The following CLCN3 variants were observed in gnomAD, a reference collection of about 807,000 sequenced individuals.
CLCN3 encodes H(+)/Cl(-) exchange transporter 3.
In CLCN3, 16 loss-of-function variants were observed where a neutral mutation model predicts 83.4. The ratio of observed to expected loss-of-function variants is 0.19; its 90% CI spans 0.13 to 0.29. The LOEUF (loss-of-function observed/expected upper bound fraction) is 0.29, where lower values mean the gene tolerates loss of function less well. Ranked by LOEUF, CLCN3 falls within the 10% of genes least tolerant of loss-of-function variation. The pLI is 1.00. For synonymous variants in CLCN3, 322 were observed against 346.2 expected (o/e 0.93, Z 0.78); for missense variants, 544 against 1,006.0 (o/e 0.54, Z 6.21).
intron 2 of CLCN3, among the ~76,000 whole-genome samples, chr4:169,647,298 G>C (rs541900221): frequency 2.0e-5 from 3 of 152,254 alleles, no homozygotes; most frequent in African/African-American, 7.2e-5. Context: ...GCTGAGATGG[G>C]AAGATCACTT....
In CLCN3 at chr4:169,707,190, A is replaced by G. The variant is rs777930860; in HGVS notation, c.2073A>G (p.Gly691=). 1.1e-5 allele frequency: 18 copies of G among 1,613,962 alleles called. No homozygotes were observed. Among genetic ancestry groups the G allele is most frequent in the Non-Finnish European group, 1.5e-5 (18 of 1,179,842 alleles). The change falls in exon 11 of 13, where the codon GGA becomes GGG. Residue 691 remains glycine (G), a synonymous_variant. Transcript: ENST00000513761. ...TGATTAATGAAACCAGCTACAATGG[A>G]TTTCCTGTCATAATGTCAAAAGAAT... The part of the protein sequence containing the change: ...ENMINETSYN[G]FPVIMSKESQ...
At chr4:169,660,484 T>C in intron 2 of CLCN3, 1 of 1,288,554 alleles carries the variant, frequency 7.8e-7, no homozygotes, top group Non-Finnish European at 9.8e-7. Flanking sequence ...TCTCTGTTGG[T>C]ATGTTTTGCA....
At chr4:169,656,812 C>T (rs1420922912) in intron 2 of CLCN3, among the ~76,000 whole-genome samples, 1 of 152,102 alleles carries the variant, frequency 6.6e-6, no homozygotes, top group Non-Finnish European at 1.5e-5. Flanking sequence ...TGGTGGCACA[C>T]ACGTGTGTAT....
At chr4:169,711,245 A>C (rs948532790) in intron 11 of CLCN3, among the ~76,000 whole-genome samples, 20 of 152,190 alleles carry the variant, frequency 1.3e-4, no homozygotes, top group Non-Finnish European at 1.8e-4. Context: ...ACACTCCACT[A>C]TTCAGTTGTC....
intron 2 of CLCN3, among the ~76,000 whole-genome samples, chr4:169,673,928 C>G (rs1348040155): frequency 3.3e-5 from 5 of 152,076 alleles, no homozygotes; most frequent in African/African-American, 1.2e-4. Context: ...CGTGCTTTTA[C>G]TCCTAAATAC....
rs770651955 is a variant in CLCN3 at position 169,692,552 on chromosome 4, T to C, written c.936+232T>C. Among the ~76,000 whole-genome samples the C allele has an allele frequency of 4.6e-5, 7 of 152,196 alleles. No individual in the cohort carries two copies. The South Asian group carries it at 1.0e-3, about 22-fold the overall frequency. On this transcript the variant is annotated intron_variant, in intron 7 of 12. Transcript: ENST00000513761. Reference sequence around the variant, plus strand: ...GCTTTAGATAGACAGCTGGTGTCCATTGGGTTTCAGCTGCATTTCACGAAG... The same window carrying C: ...GCTTTAGATAGACAGCTGGTGTCCACTGGGTTTCAGCTGCATTTCACGAAG...
chr4:169,679,257 G>A (rs1422836563), intron 2 of CLCN3, among the ~76,000 whole-genome samples: 4 of 151,464 alleles, frequency 2.6e-5, no homozygotes, highest in East Asian at 2.0e-4. Context: ...CAGAGGGGGC[G>A]GCCGGGCAGA....
At chr4:169,713,021 G>T in intron 11 of CLCN3, 58 bp from the exon 12 acceptor site, 5 of 1,240,760 alleles carry the variant, frequency 4.0e-6, no homozygotes, top group Non-Finnish European at 5.9e-6. Flanking sequence ...GAATAAACAG[G>T]TTGCCTACTT....
intron 2 of CLCN3, among the ~76,000 whole-genome samples, chr4:169,676,723 C>G (rs1447756785): frequency 6.8e-6 from 1 of 146,336 alleles, no homozygotes; most frequent in South Asian, 2.2e-4. Context: ...GTCTCAAATT[C>G]CTGAGCTCAA....
chr4:169,658,443 A>G (rs900962617), intron 2 of CLCN3, among the ~76,000 whole-genome samples: 1 of 152,068 alleles, frequency 6.6e-6, no homozygotes, highest in African/African-American at 2.4e-5. Flanking sequence ...AATACCGGGA[A>G]AACTTGTGGA....
At chr4:169,642,179 C>T (rs957019954) in intron 2 of CLCN3, among the ~76,000 whole-genome samples, 2 of 152,100 alleles carry the variant, frequency 1.3e-5, no homozygotes, top group Non-Finnish European at 2.9e-5. Context: ...AGCTCTCCTC[C>T]TGCCTCAGCC....
At chr4:169,659,415 A>G (rs1224369452) in intron 2 of CLCN3, among the ~76,000 whole-genome samples, 1 of 152,204 alleles carries the variant, frequency 6.6e-6, no homozygotes, top group Non-Finnish European at 1.5e-5. Context: ...ACTTTGAGAC[A>G]CATTTTTGCT....
chr4:169,679,455 C>T (rs1179845105), intron 2 of CLCN3, among the ~76,000 whole-genome samples: 1 of 151,474 alleles, frequency 6.6e-6, no homozygotes, highest in Non-Finnish European at 1.5e-5. Flanking sequence ...GATGGGCAGT[C>T]AGGCAGAGAC....
At chr4:169,689,728 T>C (rs575546725) in intron 5 of CLCN3, among the ~76,000 whole-genome samples, 93 of 152,342 alleles carry the variant, frequency 6.1e-4, no homozygotes, top group African/African-American at 2.2e-3. Context: ...ACATGTATAT[T>C]TTTTACATGA....
chr4:169,676,318 T>G (rs1731673658), intron 2 of CLCN3, among the ~76,000 whole-genome samples: 1 of 152,220 alleles, frequency 6.6e-6, no homozygotes, highest in South Asian at 2.1e-4. Flanking sequence ...ATGGTTCAAT[T>G]AAATATTTAA....
intron 12 of CLCN3, among the ~76,000 whole-genome samples, chr4:169,718,200 C>T (rs986498476): frequency 7.3e-5 from 11 of 151,674 alleles, no homozygotes; most frequent in Non-Finnish European, 2.9e-5. Flanking sequence ...AGTGGATACA[C>T]CGGTCTCAGA....
chr4:169,636,257 G>A (rs1773499836), intron 2 of CLCN3, among the ~76,000 whole-genome samples, 169 bp downstream of exon 2: 1 of 152,068 alleles, frequency 6.6e-6, no homozygotes, highest in Non-Finnish European at 1.5e-5. Flanking sequence ...CATTTAGCAG[G>A]TTCACAGTGT....
intron 2 of CLCN3, among the ~76,000 whole-genome samples, chr4:169,661,245 C>G (rs1450594292): frequency 1.3e-5 from 2 of 151,674 alleles, no homozygotes; most frequent in Admixed American, 6.6e-5. Context: ...ATTTGTTGTC[C>G]TAGAAAAAAA....
intron 1 of CLCN3, among the ~76,000 whole-genome samples, chr4:169,628,244 G>T (rs1425518882): frequency 6.6e-6 from 1 of 152,122 alleles, no homozygotes; most frequent in Non-Finnish European, 1.5e-5. Flanking sequence ...GGGAGGTAGG[G>T]TTAGGCATAT....
Sources: gnomAD v4.1 joint callset for allele counts (sites outside exome capture counted in the v4.1 genomes callset) on GRCh38, gnomAD v4.1.1 for gene constraint, MANE v1.5 for transcripts, NCBI Gene and HGNC (gene_info 2026-07-23, HGNC 2026-07-21) for gene names.